The following SLAMF8 variants were observed in gnomAD, a reference collection of about 807,000 sequenced individuals.
The protein encoded by SLAMF8 is SLAM family member 8.
A neutral mutation model predicts 29.0 loss-of-function variants in SLAMF8; 23 were observed. That is an observed-to-expected ratio of 0.79 (90% CI 0.57 to 1.13). The LOEUF is 1.13. Among genes scored for constraint, SLAMF8 ranks in the 50% most tolerant of loss-of-function variants. The pLI is 0.00. For synonymous variants in SLAMF8, 139 were observed against 145.6 expected, an observed-to-expected ratio of 0.96 and a Z score of 0.32; for missense variants, 381 against 353.1, an observed-to-expected ratio of 1.08 and a Z score of -0.63.
In SLAMF8 at chr1:159,836,253, T is replaced by C; in HGVS notation, c.*993T>C. 1 of 985,408 alleles carries C rather than the reference T, an allele frequency of 1.0e-6. No homozygotes were observed. The highest frequency in any genetic ancestry group is 1.2e-6 in the Non-Finnish European group (1 of 829,914). The allele number at this position is 985,408 out of a possible 1,614,324, so 61.0% of individuals were successfully genotyped here. A position where few individuals can be genotyped will look rare whatever the true frequency, so the allele number is the denominator to read the frequency against. On this transcript the variant is annotated 3_prime_UTR_variant, in exon 5 of 5. Transcript: ENST00000289707. ...AGAATCTGCCACATTCATTTTCAAA[T>C]GCAAATGCAGAAGACTTACCTTAGT... is the stretch of plus-strand genomic sequence containing the variant.
chr1:159,830,347 C>T (rs908485710), intron 2 of SLAMF8, among the ~76,000 whole-genome samples, 155 bp downstream of exon 2: 5 of 152,328 alleles, frequency 3.3e-5, no homozygotes, highest in Non-Finnish European at 7.4e-5. Flanking sequence ...CTGGCAGTCA[C>T]GTCTAAGAAA....
In SLAMF8 at chr1:159,829,852, C is replaced by T. The variant is rs1647343995; in HGVS notation, c.41-14C>T. The T allele has an allele frequency of 6.3e-7, 1 of 1,587,730 alleles. No individual in the cohort carries two copies. Among genetic ancestry groups the T allele is most frequent in the Non-Finnish European group, 8.6e-7 (1 of 1,165,372 alleles). Reference sequence around the variant, plus strand: ...GTGGGGCAGGCAGAGTGACCAGGGGCTCTGTTCTTTCAGCCCTACTTCCCA... The same window carrying T: ...GTGGGGCAGGCAGAGTGACCAGGGGTTCTGTTCTTTCAGCCCTACTTCCCA... On this transcript the variant is annotated splice_polypyrimidine_tract_variant and intron_variant, in intron 1 of 4. Coordinates refer to ENST00000289707, the MANE Select transcript of SLAMF8 (RefSeq NM_020125.3).
In SLAMF8 at chr1:159,830,191, C is replaced by T. The variant is rs199758683; in HGVS notation, c.366C>T (p.Tyr122=). ...CCCAGACCCTCCAGCTCAAGGTGTA[C>T]GGTGAGTGTGTCTGACACTGGCTGC... ...PWTQTLQLKV[Y]DAVPRPVVQV... is the part of the protein sequence containing the mutation. The change falls in exon 2 of 5, where the codon TAC becomes TAT. Residue 122 remains tyrosine (Y), a splice_region_variant and synonymous_variant. Coordinates refer to ENST00000289707, the MANE Select transcript of SLAMF8 (RefSeq NM_020125.3). 4.2e-5 allele frequency: 66 copies of T among 1,586,680 alleles called. No homozygotes were observed. The highest frequency in any genetic ancestry group is 1.6e-4 in the Admixed American group (9 of 57,744).
At position 159,836,171 on chromosome 1, in the gene SLAMF8, A is replaced by C. The variant is rs911673129; in HGVS notation, c.*911A>C. On this transcript the variant is annotated 3_prime_UTR_variant, in exon 5 of 5. Transcript: ENST00000289707. ...CTGCCTGAAACTGAGAGAGTGAAGA[A>C]CCATAAAACGCTATGCAGAAGGAAC... The C allele has an allele frequency of 9.1e-6, 9 of 985,308 alleles. No homozygotes were observed. Among genetic ancestry groups the C allele is most frequent in the Admixed American group, 6.1e-5 (1 of 16,264 alleles). 61.0% of individuals were successfully genotyped at this position (985,308 alleles called of 1,614,324 possible).
intron 1 of SLAMF8, among the ~76,000 whole-genome samples, chr1:159,829,403 C>T (rs900275158): frequency 6.6e-6 from 1 of 152,206 alleles, no homozygotes; most frequent in African/African-American, 2.4e-5. Flanking sequence ...TTCCCCTGGG[C>T]ACCAACTCTC....
In SLAMF8 at chr1:159,833,340, T is replaced by C. The variant is rs1553215249; in HGVS notation, c.752T>C (p.Phe251Ser). 5 of 1,614,142 alleles carry C rather than the reference T, an allele frequency of 3.1e-6. No homozygotes were observed. In the East Asian group the frequency reaches 1.1e-4, roughly 36 times the overall value. The change falls in exon 4 of 5, where the codon TTC (phenylalanine) becomes TCC (serine). Residue 251 changes from phenylalanine (F) to serine (S), a missense_variant. Coordinates refer to ENST00000289707, the MANE Select transcript of SLAMF8 (RefSeq NM_020125.3). ...VSLLLMLVTL[F>S]SAWHWCPCSG... ...CTGCTCCTGATGCTGGTTACTCTCT[T>C]CTCTGCCTGGCACTGGTGCCCCTGC...
intron 1 of SLAMF8, among the ~76,000 whole-genome samples, chr1:159,827,788 A>T (rs1486118664): frequency 6.6e-6 from 1 of 151,984 alleles, no homozygotes; most frequent in Non-Finnish European, 1.5e-5. Context: ...ATCACACCTT[A>T]ACCTCAAAAA....
At chr1:159,832,645 A>C (rs1308517191) in intron 2 of SLAMF8, among the ~76,000 whole-genome samples, 1 of 152,284 alleles carries the variant, frequency 6.6e-6, no homozygotes, top group African/African-American at 2.4e-5. Context: ...AGGGAGAAGC[A>C]GCAGGAGGTA....
Position 159,830,131 on chromosome 1 carries a change from C to G in SLAMF8, c.306C>G (p.Ser102=). Residue 102 remains serine, a synonymous_variant, in exon 2 of 5, where the codon TCC becomes TCG. Coordinates refer to ENST00000289707, the MANE Select transcript of SLAMF8 (RefSeq NM_020125.3). ...AGTCTGGAGACAGCGGCAACTTCTCCGTGTTGATGGTGGACACAAGGGGCC... is the reference window on the plus strand; with the variant it reads ...AGTCTGGAGACAGCGGCAACTTCTCGGTGTTGATGGTGGACACAAGGGGCC... ...PLESGDSGNF[S]VLMVDTRGQP... 6.2e-7 allele frequency: 1 copy of G among 1,614,010 alleles called. No individual in the cohort carries two copies. The highest frequency in any genetic ancestry group is 8.5e-7 in the Non-Finnish European group (1 of 1,179,882).
chr1:159,830,293 C>A, intron 2 of SLAMF8, 101 bp downstream of exon 2: 1 of 1,280,310 alleles, frequency 7.8e-7, no homozygotes, highest in Non-Finnish European at 1.0e-6. Context: ...TTCCAGAAAG[C>A]TCTGGTCTCT....
chr1:159,836,162 G>C lies in SLAMF8; in HGVS notation c.*902G>C. On this transcript the variant is annotated 3_prime_UTR_variant, in exon 5 of 5. Coordinates refer to ENST00000289707, the MANE Select transcript of SLAMF8 (RefSeq NM_020125.3). Reference sequence around the variant, plus strand: ...TGAGTCTTCCTGCCTGAAACTGAGAGAGTGAAGAACCATAAAACGCTATGC... The same window carrying C: ...TGAGTCTTCCTGCCTGAAACTGAGACAGTGAAGAACCATAAAACGCTATGC... 1.0e-6 allele frequency: 1 copy of C among 985,330 alleles called. No homozygotes were observed. The highest frequency in any genetic ancestry group is 1.2e-6 in the Non-Finnish European group (1 of 829,824). The allele number at this position is 985,330 out of a possible 1,614,324, so 61.0% of individuals were successfully genotyped here.
chr1:159,836,377 C>T lies in SLAMF8; in HGVS notation c.*1117C>T. On this transcript the variant is annotated 3_prime_UTR_variant, in exon 5 of 5. Transcript: ENST00000289707. ...TTATTGTGGCCATCTTAGGAAAATA[C>T]ATTCTGCCCCTGAATGATTCTGTCT... 1 of 985,466 alleles carries T rather than the reference C, an allele frequency of 1.0e-6. No individual in the cohort carries two copies. The highest frequency in any genetic ancestry group is 1.2e-6 in the Non-Finnish European group (1 of 829,944). The allele number at this position is 985,466 out of a possible 1,614,324, so 61.0% of individuals were successfully genotyped here. A position where few individuals can be genotyped will look rare whatever the true frequency, so the allele number is the denominator to read the frequency against.
Position 159,832,974 on chromosome 1 carries a change from A to G in SLAMF8, c.466A>G (p.Asn156Asp). Residue 156 changes from asparagine (N) to aspartate (D), a missense_variant, in exon 3 of 5, where the codon AAC becomes GAC. Transcript: ENST00000289707. ...CQVFLSCWAPNISEITYSWRR... is the reference protein window; with the variant it reads ...CQVFLSCWAPDISEITYSWRR... ...GGTTTTCTTGTCCTGTTGGGCCCCC[A>G]ACATCAGCGAAATAACCTATAGCTG... 2 of 1,614,216 alleles carry G rather than the reference A, an allele frequency of 1.2e-6. No individual in the cohort carries two copies. Among genetic ancestry groups the G allele is most frequent in the African/African-American group, 1.3e-5 (1 of 75,050 alleles).
At chr1:159,833,662 C>A (rs1647671147) in intron 4 of SLAMF8, among the ~76,000 whole-genome samples, 1 of 152,184 alleles carries the variant, frequency 6.6e-6, no homozygotes, top group South Asian at 2.1e-4. Flanking sequence ...CCAGCCTCCC[C>A]CCTTCATGTG....
chr1:159,831,479 C>G (rs903556046), intron 2 of SLAMF8, among the ~76,000 whole-genome samples: 2 of 150,204 alleles, frequency 1.3e-5, no homozygotes, highest in African/African-American at 4.9e-5. Context: ...TACCCTGTGA[C>G]CCCCCTTAGC....
In SLAMF8 at chr1:159,836,876, G is replaced by T; in HGVS notation, c.*1616G>T. ...ACCTTCCCCCAAGATTACCTGAACA[G>T]GGTCCATGGCCACTCAACCTGTCAG... On this transcript the variant is annotated 3_prime_UTR_variant, in exon 5 of 5. Coordinates refer to ENST00000289707, the MANE Select transcript of SLAMF8 (RefSeq NM_020125.3). The T allele has an allele frequency of 2.0e-6, 2 of 985,480 alleles. No individual in the cohort carries two copies. Among genetic ancestry groups the T allele is most frequent in the Non-Finnish European group, 2.4e-6 (2 of 829,970 alleles). 61.0% of individuals were successfully genotyped at this position (985,480 alleles called of 1,614,324 possible).
rs114295130 is a variant in SLAMF8 at position 159,829,680 on chromosome 1, T to C, written c.41-186T>C. ...TGTCTGGCTTCCTCTGTAAGTTCCATGAATGCAGAGACTGGGGTTATCTTC... is the reference window on the plus strand; with the variant it reads ...TGTCTGGCTTCCTCTGTAAGTTCCACGAATGCAGAGACTGGGGTTATCTTC... On this transcript the variant is annotated intron_variant, in intron 1 of 4. Coordinates refer to ENST00000289707, the MANE Select transcript of SLAMF8 (RefSeq NM_020125.3). Among the ~76,000 whole-genome samples, 568 of 152,344 alleles carry C rather than the reference T, an allele frequency of 3.7e-3. 5 individuals are homozygous for C. The highest frequency in any genetic ancestry group is 6.5e-3 in the African/African-American group (270 of 41,584).
intron 1 of SLAMF8, among the ~76,000 whole-genome samples, chr1:159,829,209 T>A (rs1456390576): frequency 6.6e-6 from 1 of 152,228 alleles, no homozygotes; most frequent in African/African-American, 2.4e-5. Flanking sequence ...ACATCCCTGC[T>A]GGAGTGATCT....
At chr1:159,834,990 G>A (rs1647803389) in intron 4 of SLAMF8, 194 bp from the exon 5 acceptor site, 2 of 574,430 alleles carry the variant, frequency 3.5e-6, no homozygotes, top group South Asian at 2.2e-5. Flanking sequence ...TGCAGGCCAA[G>A]GTTAGATACT....
Sources: allele counts gnomAD v4.1 joint callset (sites outside exome capture counted in the v4.1 genomes callset), GRCh38; gene constraint gnomAD v4.1.1; transcripts MANE v1.5; gene names NCBI Gene and HGNC (gene_info 2026-07-23, HGNC 2026-07-21).